The following DCAF8L2 variants were observed in gnomAD, a reference collection of about 807,000 sequenced individuals.
DCAF8L2 encodes the protein DDB1 and CUL4 associated factor 8 like 2, also known as DDB1- and CUL4-associated factor 8-like protein 2.
For synonymous variants in DCAF8L2, 200 were observed against 190.9 expected (o/e 1.05, Z -0.39); for missense variants, 430 against 490.7 (o/e 0.88, Z 1.17).
chrX:27,655,483 T>C (rs965856615), intron 2 of DCAF8L2, among the ~76,000 whole-genome samples: 4 of 112,295 alleles, frequency 3.6e-5, no homozygotes, highest in Non-Finnish European at 7.5e-5. Context: ...CTGGCACTGA[T>C]GCTGCCTGAA....
At chrX:27,732,794 A>G (rs960652915) in intron 4 of DCAF8L2, among the ~76,000 whole-genome samples, 1 of 111,344 alleles carries the variant, frequency 9.0e-6, no homozygotes, top group Non-Finnish European at 1.9e-5. Context: ...AGGAATCTCC[A>G]TACTATTTGC....
intron 2 of DCAF8L2, among the ~76,000 whole-genome samples, chrX:27,651,533 G>A (rs1233388559): frequency 2.2e-5 from 2 of 89,144 alleles, no homozygotes; most frequent in African/African-American, 8.6e-5. Flanking sequence ...TTTTTGAGAC[G>A]GAGTCTTGCT....
At chrX:27,512,582 G>C in the DCAF8L2 span, among the ~76,000 whole-genome samples, 5 of 104,883 alleles carry the variant, frequency 4.8e-5, no homozygotes, top group Admixed American at 4.2e-4. Flanking sequence ...TAATCGAGAG[G>C]CTGAGGCAGG....
chrX:27,744,804 T>G (rs1365788018), intron 4 of DCAF8L2, among the ~76,000 whole-genome samples: 2 of 111,434 alleles, frequency 1.8e-5, no homozygotes, highest in Non-Finnish European at 3.8e-5. Context: ...CTTTTCCTGC[T>G]CCCTCTCTTA....
the DCAF8L2 span, among the ~76,000 whole-genome samples, chrX:27,521,643 A>G: frequency 8.9e-6 from 1 of 112,064 alleles, no homozygotes; most frequent in African/African-American, 3.2e-5. Context: ...GAAAATATTT[A>G]TATATAAATT....
At chrX:27,628,704 C>T (rs746051540) in intron 1 of DCAF8L2, among the ~76,000 whole-genome samples, 116 of 108,882 alleles carry the variant, frequency 1.1e-3, no homozygotes, top group Non-Finnish European at 1.9e-3. Flanking sequence ...CCCGGGTTCA[C>T]GCCATTCTCC....
chrX:27,546,368 G>T, the DCAF8L2 span, among the ~76,000 whole-genome samples: 526 of 111,983 alleles, frequency 4.7e-3, 2 homozygotes, highest in Middle Eastern at 0.014. Context: ...GGCGTTGAGT[G>T]TCTGTGGCTT....
the DCAF8L2 span, among the ~76,000 whole-genome samples, chrX:27,540,497 C>T: frequency 2.7e-5 from 3 of 111,214 alleles, no homozygotes; most frequent in Admixed American, 1.9e-4. Flanking sequence ...CATGTTCTCA[C>T]TTATGTAGAA....
the DCAF8L2 span, among the ~76,000 whole-genome samples, chrX:27,494,424 A>T: frequency 3.6e-5 from 4 of 111,280 alleles, no homozygotes; most frequent in African/African-American, 1.3e-4. Context: ...ATAAATAAAT[A>T]AAAATTAAAA....
intron 4 of DCAF8L2, among the ~76,000 whole-genome samples, chrX:27,743,109 T>A (rs1240583264): frequency 9.0e-6 from 1 of 111,300 alleles, no homozygotes; most frequent in African/African-American, 3.3e-5. Context: ...TGAGATAGGG[T>A]CTTACTCCGT....
chrX:27,553,118 TC>T, the DCAF8L2 span, among the ~76,000 whole-genome samples: 1 of 112,207 alleles, frequency 8.9e-6, no homozygotes, highest in African/African-American at 3.2e-5. Context: ...TGATTTTATG[TC>T]CTGCAACTTT....
Position 27,747,620 on chromosome X carries a change from G to A in DCAF8L2, c.725G>A (p.Arg242Gln), listed in dbSNP as rs752296463. Residue 242 changes from arginine (R) to glutamine (Q), a missense_variant, in exon 5 of 5, where the codon CGG (arginine) becomes CAG (glutamine). Transcript: ENST00000451261. ...NTVHFNQRGT[R>Q]LASSGDDLKV... Reference sequence around the variant, plus strand: ...GTACACTTTAACCAGCGTGGCACCCGGCTGGCCAGTAGCGGTGATGACCTA... The same window carrying A: ...GTACACTTTAACCAGCGTGGCACCCAGCTGGCCAGTAGCGGTGATGACCTA... 1.7e-6 allele frequency: 2 copies of A among 1,205,664 alleles called. No individual in the cohort carries two copies. Among genetic ancestry groups the A allele is most frequent in the Non-Finnish European group, 1.1e-6 (1 of 892,202 alleles).
the DCAF8L2 span, among the ~76,000 whole-genome samples, chrX:27,557,484 A>T: frequency 8.9e-6 from 1 of 112,236 alleles, no homozygotes; most frequent in African/African-American, 3.2e-5. Context: ...GAGTAAAAAT[A>T]GCTATTAAAT....
chrX:27,612,456 C>A (rs778830817), intron 1 of DCAF8L2, among the ~76,000 whole-genome samples: 1 of 111,866 alleles, frequency 8.9e-6, no homozygotes, highest in South Asian at 3.7e-4. Flanking sequence ...TTAATTAGAT[C>A]CCATTTGCCT....
intron 3 of DCAF8L2, among the ~76,000 whole-genome samples, chrX:27,707,636 G>C (rs950808299): frequency 1.8e-5 from 2 of 111,700 alleles, no homozygotes; most frequent in Non-Finnish European, 3.8e-5. Flanking sequence ...CTAGGGAAAG[G>C]AGCATATATG....
At chrX:27,519,331 C>T in the DCAF8L2 span, 3 of 1,113,253 alleles carry the variant, frequency 2.7e-6, no homozygotes, top group East Asian at 6.0e-5. Flanking sequence ...TGAAAAGGAG[C>T]GTCGAGCTGC....
At chrX:27,710,816 T>C (rs1931498655) in intron 3 of DCAF8L2, among the ~76,000 whole-genome samples, 1 of 112,406 alleles carries the variant, frequency 8.9e-6, no homozygotes, top group African/African-American at 3.2e-5. Flanking sequence ...GTCTTGTTTC[T>C]GACATTAGAA....
the DCAF8L2 span, among the ~76,000 whole-genome samples, chrX:27,534,435 G>A: frequency 3.1e-3 from 346 of 111,623 alleles, 2 homozygotes; most frequent in Middle Eastern, 0.023. Flanking sequence ...AGAGAATAAC[G>A]AAGTAGTTGT....
chrX:27,582,572 A>G, the DCAF8L2 span, among the ~76,000 whole-genome samples: 48,125 of 110,321 alleles, frequency 0.44, 8,771 homozygotes, highest in South Asian at 0.68. Context: ...ACTTTTGGCA[A>G]GAATACCACA....
Sources: gnomAD v4.1 joint callset for allele counts (sites outside exome capture counted in the v4.1 genomes callset) on GRCh38, gnomAD v4.1.1 for gene constraint, MANE v1.5 for transcripts, NCBI Gene and HGNC (gene_info 2026-07-23, HGNC 2026-07-21) for gene names.